Variants in FRMD3 observed in about 807,000 individuals in gnomAD.
FRMD3 encodes FERM domain containing 3.
Under a neutral mutation model 70.2 loss-of-function variants are expected in FRMD3, and 33 were observed. The observed-to-expected ratio is 0.47, with a 90% CI of 0.36 to 0.63. FRMD3 has a LOEUF of 0.63. Ranked by LOEUF, FRMD3 falls within the 20% of genes least tolerant of loss-of-function variation. The pLI is 0.00. For synonymous variants in FRMD3, 279 were observed against 255.9 expected (o/e 1.09, Z -0.86); for missense variants, 632 against 711.4 (o/e 0.89, Z 1.27).
intron 1 of FRMD3, among the ~76,000 whole-genome samples, chr9:83,420,395 T>C (rs370571960): frequency 6.6e-6 from 1 of 152,318 alleles, no homozygotes. Context: ...TCATACCTCC[T>C]ACATTATTCA....
chr9:83,563,255 C>T, the FRMD3 span, among the ~76,000 whole-genome samples: 1 of 152,184 alleles, frequency 6.6e-6, no homozygotes, highest in Non-Finnish European at 1.5e-5. Context: ...ACTCCACCCT[C>T]ACCTACTGCG....
intron 1 of FRMD3, among the ~76,000 whole-genome samples, chr9:83,448,989 T>A (rs3860928): frequency 0.24 from 36,018 of 152,054 alleles, 4,314 homozygotes; most frequent in Non-Finnish European, 0.26. Context: ...CTTATCTGTA[T>A]GAAACATGCT....
In FRMD3 at chr9:83,373,571, C is replaced by T. The variant is rs115762058; in HGVS notation, c.253-616G>A. Among the ~76,000 whole-genome samples the T allele has an allele frequency of 9.0e-3, 1,369 of 152,226 alleles. 28 individuals carry two copies. Among genetic ancestry groups the T allele is most frequent in the African/African-American group, 0.032 (1,314 of 41,510 alleles). On this transcript the variant is annotated intron_variant, in intron 2 of 13. Transcript: ENST00000304195. The stretch of plus-strand genomic sequence containing the variant: ...GCCAAAAGACTGGGGGAGTTCAGAA[C>T]CATGTTACTGACAGGCATTTGAAGT...
At chr9:83,479,698 AAGAAAG>A (rs1235228393) in intron 1 of FRMD3, among the ~76,000 whole-genome samples, 1,401 of 74,022 alleles carry the variant, frequency 0.019, 21 homozygotes, top group African/African-American at 0.032. Context: ...GAAAGAAAGA[AAGAAAG>A]AAAGAAAGAA....
intron 13 of FRMD3, among the ~76,000 whole-genome samples, chr9:83,252,812 A>C (rs937182637): frequency 6.6e-5 from 10 of 152,226 alleles, no homozygotes; most frequent in African/African-American, 2.4e-4. Context: ...GGAAGAGCTA[A>C]CTATCCTAAA....
chr9:83,321,184 G>A (rs564789647), intron 6 of FRMD3, among the ~76,000 whole-genome samples: 32 of 151,968 alleles, frequency 2.1e-4, no homozygotes, highest in African/African-American at 6.0e-4. Context: ...TCTCCATTTC[G>A]TTCTGCTCTG....
intron 1 of FRMD3, among the ~76,000 whole-genome samples, chr9:83,466,570 G>A (rs1259792610): frequency 2.0e-5 from 3 of 152,124 alleles, no homozygotes; most frequent in Non-Finnish European, 4.4e-5. Context: ...AACAGACGCT[G>A]CATTCCACCA....
intron 8 of FRMD3, 77 bp downstream of exon 8, chr9:83,311,810 G>T: frequency 2.0e-6 from 2 of 992,970 alleles, no homozygotes; most frequent in Non-Finnish European, 3.2e-6. Flanking sequence ...CCTGACACTT[G>T]CCCGAGAAGC....
chr9:83,373,082 C>T lies in FRMD3; in HGVS notation c.253-127G>A, dbSNP rs566779531. 1,082 of 739,714 alleles carry T rather than the reference C, an allele frequency of 1.5e-3. 7 individuals are homozygous for T. The highest frequency in any genetic ancestry group is 2.2e-3 in the Non-Finnish European group (929 of 427,056). 45.8% of individuals were successfully genotyped at this position (739,714 alleles called of 1,614,324 possible). A position where few individuals can be genotyped will look rare whatever the true frequency, so the allele number is the denominator to read the frequency against. ...TCCATAGATACTCTCCAGAATTCCACACTCTGAAGACCAACATAAACAACT... is the reference window on the plus strand; with the variant it reads ...TCCATAGATACTCTCCAGAATTCCATACTCTGAAGACCAACATAAACAACT... On this transcript the variant is annotated intron_variant, in intron 2 of 13. Coordinates refer to ENST00000304195, the MANE Select transcript of FRMD3 (RefSeq NM_174938.6).
the FRMD3 span, among the ~76,000 whole-genome samples, chr9:83,578,788 T>G: frequency 6.6e-6 from 1 of 151,972 alleles, no homozygotes; most frequent in Non-Finnish European, 1.5e-5. Context: ...TCATCATTTC[T>G]TTTCAACATA....
chr9:83,527,646 A>C (rs540617893), intron 1 of FRMD3, among the ~76,000 whole-genome samples: 3 of 152,246 alleles, frequency 2.0e-5, no homozygotes, highest in African/African-American at 7.2e-5. Context: ...GCCCTTCCCA[A>C]GACTTCCTGA....
At chr9:83,307,044 T>C (rs907007214) in intron 10 of FRMD3, among the ~76,000 whole-genome samples, 1 of 152,230 alleles carries the variant, frequency 6.6e-6, no homozygotes, top group Non-Finnish European at 1.5e-5. Context: ...TACAGATACA[T>C]AGTACAGATA....
intron 10 of FRMD3, among the ~76,000 whole-genome samples, chr9:83,304,616 C>T (rs750190109): frequency 3.6e-4 from 55 of 152,182 alleles, no homozygotes; most frequent in Non-Finnish European, 6.2e-4. Context: ...TGCTTTTATC[C>T]CTTGCACACA....
At chr9:83,431,584 T>TA (rs1367304068) in intron 1 of FRMD3, among the ~76,000 whole-genome samples, 7 of 152,232 alleles carry the variant, frequency 4.6e-5, no homozygotes, top group African/African-American at 1.7e-4. Context: ...CGTTTTTTTT[T>TA]ATGAGATGAA....
the FRMD3 span, among the ~76,000 whole-genome samples, chr9:83,549,420 T>C: frequency 0.02 from 3,086 of 152,306 alleles, 110 homozygotes; most frequent in African/African-American, 0.07. Flanking sequence ...AATATTTGTG[T>C]ACATGTGTCT....
Position 83,245,329 on chromosome 9 carries a change from T to C in FRMD3, c.*2589A>G. ...CTTTTCCTCATTCGATTCAGGCAAC[T>C]GGTGACTATCTTCTAACAAAACTTA... On this transcript the variant is annotated 3_prime_UTR_variant, in exon 14 of 14. Transcript: ENST00000304195. 2.0e-6 allele frequency: 2 copies of C among 985,440 alleles called. No individual in the cohort carries two copies. Among genetic ancestry groups the C allele is most frequent in the Non-Finnish European group, 2.4e-6 (2 of 829,920 alleles). The allele number at this position is 985,440 out of a possible 1,614,324, so 61.0% of individuals were successfully genotyped here.
At chr9:83,395,087 T>C (rs1045742660) in intron 1 of FRMD3, among the ~76,000 whole-genome samples, 2 of 152,160 alleles carry the variant, frequency 1.3e-5, no homozygotes, top group Non-Finnish European at 2.9e-5. Context: ...GATCTTAAAA[T>C]CCTGCCCTTT....
At chr9:83,456,008 C>T (rs543851595) in intron 1 of FRMD3, among the ~76,000 whole-genome samples, 1 of 152,224 alleles carries the variant, frequency 6.6e-6, no homozygotes, top group African/African-American at 2.4e-5. Context: ...GCAAAATATA[C>T]AAAAAGGTTT....
intron 13 of FRMD3, among the ~76,000 whole-genome samples, chr9:83,274,467 G>A (rs965059534): frequency 2.0e-5 from 3 of 152,210 alleles, no homozygotes; most frequent in Non-Finnish European, 4.4e-5. Flanking sequence ...CAAGAAATAT[G>A]TCATAGAGGA....
Sources: gnomAD v4.1 joint callset for allele counts (sites outside exome capture counted in the v4.1 genomes callset) on GRCh38, gnomAD v4.1.1 for gene constraint, MANE v1.5 for transcripts, NCBI Gene and HGNC (gene_info 2026-07-23, HGNC 2026-07-21) for gene names.